Variants in MEIS2 observed in about 807,000 individuals in gnomAD.
The protein encoded by MEIS2 is homeobox protein Meis2.
A neutral mutation model predicts 58.6 loss-of-function variants in MEIS2; 9 were observed. The observed-to-expected ratio is 0.15, with a 90% confidence interval of 0.09 to 0.27. MEIS2 has a LOEUF of 0.27. MEIS2 is among the 10% of genes least tolerant of loss of function. MEIS2 has a pLI of 1.00. For synonymous variants in MEIS2, 221 were observed against 228.4 expected, an observed-to-expected ratio of 0.97 and a Z score of 0.29; for missense variants, 427 against 635.0, an observed-to-expected ratio of 0.67 and a Z score of 3.52.
In MEIS2 at chr15:36,889,435, TATC is replaced by T. The variant is rs915837962; in HGVS notation, c.*2735_*2737del. On this transcript the variant is annotated 3_prime_UTR_variant, in exon 12 of 12. Coordinates refer to ENST00000561208, the MANE Select transcript of MEIS2 (RefSeq NM_170675.5). ...GGACAAATCTATCACTTCTCTGTGT[TATC>T]ATGGGGTTGGGGGTGGGGGAGAGCA... 2.6e-5 allele frequency: 4 copies of T among 152,124 alleles called. No homozygotes were observed. Among genetic ancestry groups the T allele is most frequent in the African/African-American group, 9.7e-5 (4 of 41,398 alleles). 9.4% of individuals were successfully genotyped at this position (152,124 alleles called of 1,614,324 possible). A position where few individuals can be genotyped will look rare whatever the true frequency, so the allele number is the denominator to read the frequency against.
rs75118838 is a variant in MEIS2, at chr15:37,039,495, T to C, written c.755-2536A>G. 1.5e-3 allele frequency among the ~76,000 whole-genome samples: 227 copies of C among 152,322 alleles called. 2 individuals are homozygous for C. The highest frequency in any genetic ancestry group is 2.5e-3 in the Non-Finnish European group (170 of 68,024). ...GAAGGAAGTTCAATGAAAAAAGTCA[T>C]TTGCCTTTTTAACCCAATCAATGAC... On this transcript the variant is annotated intron_variant, in intron 7 of 11. Coordinates refer to ENST00000561208, the MANE Select transcript of MEIS2 (RefSeq NM_170675.5).
chr15:36,922,976 G>T (rs1341111441), intron 9 of MEIS2, among the ~76,000 whole-genome samples: 1 of 152,076 alleles, frequency 6.6e-6, no homozygotes, highest in Non-Finnish European at 1.5e-5. Context: ...CTCCTGCCAT[G>T]TAAGTCTTTA....
At position 37,025,694 on chromosome 15, in the gene MEIS2, G is replaced by A. The variant is rs114852188; in HGVS notation, c.900+11120C>T. ...GTATTTGGAATAGCCATGGACAAACGGGTACAAGTACATAAGGACCAAAGA... is the reference window on the plus strand; with the variant it reads ...GTATTTGGAATAGCCATGGACAAACAGGTACAAGTACATAAGGACCAAAGA... On this transcript the variant is annotated intron_variant, in intron 8 of 11. Transcript: ENST00000561208. Among the ~76,000 whole-genome samples the A allele has an allele frequency of 4.7e-3, 705 of 150,696 alleles. 5 individuals carry two copies. The highest frequency in any genetic ancestry group is 0.016 in the African/African-American group (668 of 40,964).
At chr15:37,003,364 A>G (rs1475097230) in intron 8 of MEIS2, among the ~76,000 whole-genome samples, 1 of 144,008 alleles carries the variant, frequency 6.9e-6, no homozygotes, top group Non-Finnish European at 1.6e-5. Context: ...ACAACAACAA[A>G]AACACCACTG....
intron 7 of MEIS2, among the ~76,000 whole-genome samples, chr15:37,070,089 A>C (rs1413926032): frequency 6.6e-6 from 1 of 152,200 alleles, no homozygotes. Context: ...TATACATTTT[A>C]GAGGGTGTAA....
chr15:36,965,366 T>G (rs187288428), intron 8 of MEIS2, among the ~76,000 whole-genome samples: 1 of 152,266 alleles, frequency 6.6e-6, no homozygotes, highest in Middle Eastern at 3.4e-3. Context: ...TTATATGAGG[T>G]CTACAGTTGC....
chr15:36,957,228 T>C (rs1661438388), intron 8 of MEIS2, among the ~76,000 whole-genome samples: 1 of 152,210 alleles, frequency 6.6e-6, no homozygotes, highest in Admixed American at 6.5e-5. Flanking sequence ...AATTTTAGCA[T>C]GTTTTTTGTG....
chr15:36,974,084 C>T (rs532547362), intron 8 of MEIS2, among the ~76,000 whole-genome samples: 77 of 152,258 alleles, frequency 5.1e-4, no homozygotes, highest in Middle Eastern at 3.4e-3. Context: ...CCTAGAAATT[C>T]GAAGAGTGTC....
At chr15:37,093,892 A>AG (rs1255408449) in intron 5 of MEIS2, 162 bp from the exon 6 acceptor site, 1 of 823,874 alleles carries the variant, frequency 1.2e-6, no homozygotes, top group African/African-American at 1.7e-5. Flanking sequence ...TAATAGTTGA[A>AG]GGCAAGGAAA....
chr15:37,014,351 G>A (rs1004075237), intron 8 of MEIS2, among the ~76,000 whole-genome samples: 1 of 152,116 alleles, frequency 6.6e-6, no homozygotes. Context: ...CTATATCTGA[G>A]AAAAGAGAAT....
intron 7 of MEIS2, among the ~76,000 whole-genome samples, chr15:37,078,199 A>G (rs993495656): frequency 2.0e-5 from 3 of 152,060 alleles, no homozygotes; most frequent in South Asian, 2.1e-4. Flanking sequence ...CATGGCTGAC[A>G]GTGGAAGAGT....
At chr15:36,932,273 G>A (rs914266009) in intron 9 of MEIS2, among the ~76,000 whole-genome samples, 9 of 152,158 alleles carry the variant, frequency 5.9e-5, no homozygotes, top group Non-Finnish European at 1.3e-4. Context: ...GACTCTGAAG[G>A]TGCTGATCAC....
At chr15:37,082,024 C>T (rs1277138566) in intron 7 of MEIS2, among the ~76,000 whole-genome samples, 1 of 152,178 alleles carries the variant, frequency 6.6e-6, no homozygotes, top group Non-Finnish European at 1.5e-5. Flanking sequence ...TCTCTCTGGC[C>T]CTTTCTTGCT....
chr15:36,950,486 T>C (rs2058716569), intron 8 of MEIS2, 86 bp from the exon 9 acceptor site: 1 of 1,293,754 alleles, frequency 7.7e-7, no homozygotes, highest in Non-Finnish European at 1.1e-6. Context: ...CCGTTGGTGA[T>C]TTCTTTAGTC....
At chr15:36,973,432 G>A (rs925159899) in intron 8 of MEIS2, among the ~76,000 whole-genome samples, 1 of 152,122 alleles carries the variant, frequency 6.6e-6, no homozygotes, top group Admixed American at 6.6e-5. Flanking sequence ...ACTCTTATTT[G>A]GATGCTGCTG....
At chr15:37,033,408 G>A (rs1246564355) in intron 8 of MEIS2, among the ~76,000 whole-genome samples, 2 of 152,082 alleles carry the variant, frequency 1.3e-5, no homozygotes, top group Non-Finnish European at 2.9e-5. Context: ...AAATACATTT[G>A]CTTAACAAAT....
In MEIS2 at chr15:36,986,911, G is replaced by A. The variant is rs147794233; in HGVS notation, c.901-36511C>T. 3.5e-3 allele frequency among the ~76,000 whole-genome samples: 535 copies of A among 152,278 alleles called. 2 individuals carry two copies. Among genetic ancestry groups the A allele is most frequent in the African/African-American group, 0.012 (510 of 41,552 alleles). On this transcript the variant is annotated intron_variant, in intron 8 of 11. Coordinates refer to ENST00000561208, the MANE Select transcript of MEIS2 (RefSeq NM_170675.5). ...TGACTGGACTGTAACTATTACACAG[G>A]ATGCTTTCACAAAATATCTGTGAGC...
chr15:37,045,399 C>T (rs996454525), intron 7 of MEIS2, among the ~76,000 whole-genome samples: 2 of 151,868 alleles, frequency 1.3e-5, no homozygotes, highest in African/African-American at 4.8e-5. Flanking sequence ...TTTCTTTCAG[C>T]GGTTGTCAGG....
At position 36,981,798 on chromosome 15, in the gene MEIS2, C is replaced by T. The variant is rs575660845; in HGVS notation, c.901-31398G>A. The stretch of plus-strand genomic sequence containing the variant: ...TCATCAATGTGAGCTGTCATCATCC[C>T]ATCTGTTGAGGGCCCTGACAGAATG... On this transcript the variant is annotated intron_variant, in intron 8 of 11. Coordinates refer to ENST00000561208, the MANE Select transcript of MEIS2 (RefSeq NM_170675.5). Among the ~76,000 whole-genome samples the T allele has an allele frequency of 5.9e-5, 9 of 152,198 alleles. No individual in the cohort carries two copies. In the South Asian group the frequency reaches 1.9e-3, roughly 32 times the overall value.
Sources: gnomAD v4.1 joint callset for allele counts (sites outside exome capture counted in the v4.1 genomes callset) on GRCh38, gnomAD v4.1.1 for gene constraint, MANE v1.5 for transcripts, NCBI Gene and HGNC (gene_info 2026-07-23, HGNC 2026-07-21) for gene names.